APPBP2: variants seen among roughly 807,000 people sequenced by gnomAD.
The protein encoded by APPBP2 is amyloid protein-binding protein 2.
A neutral mutation model predicts 76.0 loss-of-function variants in APPBP2; 15 were observed. That is an observed-to-expected ratio of 0.20 (90% CI 0.13 to 0.30). The LOEUF (loss-of-function observed/expected upper bound fraction) is 0.30, where lower values mean the gene tolerates loss of function less well. Among genes scored for constraint, APPBP2 ranks in the 10% least tolerant of loss-of-function variants. The pLI is 1.00. For missense variants in APPBP2, 401 were observed against 687.2 expected, an observed-to-expected ratio of 0.58 and a Z score of 4.66; for synonymous variants, 222 against 242.2, an observed-to-expected ratio of 0.92 and a Z score of 0.77.
intron 3 of APPBP2, among the ~76,000 whole-genome samples, chr17:60,480,276 G>A (rs1185084601): frequency 6.6e-6 from 1 of 152,126 alleles, no homozygotes; most frequent in Non-Finnish European, 1.5e-5. Flanking sequence ...AGGAGGCTGG[G>A]GTGGGAGAAT....
intron 3 of APPBP2, among the ~76,000 whole-genome samples, chr17:60,484,686 T>C (rs569906947): frequency 6.6e-6 from 1 of 152,302 alleles, no homozygotes; most frequent in Admixed American, 6.5e-5. Context: ...ACAATTTGAC[T>C]TCCTCTCTTC....
At chr17:60,457,667 T>C (rs1298973988) in intron 9 of APPBP2, among the ~76,000 whole-genome samples, 1 of 152,208 alleles carries the variant, frequency 6.6e-6, no homozygotes, top group Non-Finnish European at 1.5e-5. Flanking sequence ...TGGGCTCAAG[T>C]GATCCACCCA....
chr17:60,505,536 C>T (rs1319853291), intron 1 of APPBP2, among the ~76,000 whole-genome samples: 3 of 151,870 alleles, frequency 2.0e-5, no homozygotes, highest in Non-Finnish European at 2.9e-5. Flanking sequence ...AGGATAGTTT[C>T]GATCTCCTGA....
Position 60,445,443 on chromosome 17 carries a change from TTG to T in APPBP2, c.*2136_*2137del, listed in dbSNP as rs1491559028. On this transcript the variant is annotated 3_prime_UTR_variant, in exon 13 of 13. Transcript: ENST00000083182. ...TGTGCACAAAACCAAAAAATACAGATTGAAAAAAAAACTTCATATGGAAACAT... is the reference window on the plus strand; with the variant it reads ...TGTGCACAAAACCAAAAAATACAGATAAAAAAAAACTTCATATGGAAACAT... 2.0e-5 allele frequency: 3 copies of T among 148,272 alleles called. No individual in the cohort carries two copies. The highest frequency in any genetic ancestry group is 8.0e-5 in the African/African-American group (3 of 37,396). The allele number at this position is 148,272 out of a possible 1,614,324, so 9.2% of individuals were successfully genotyped here.
intron 1 of APPBP2, among the ~76,000 whole-genome samples, chr17:60,524,466 C>CT (rs1450211748): frequency 6.6e-6 from 1 of 152,080 alleles, no homozygotes; most frequent in Non-Finnish European, 1.5e-5. Context: ...AAAAAGGGAG[C>CT]TTTTTCTCGA....
chr17:60,524,610 GAAAAAA>G lies in APPBP2; in HGVS notation c.138+1178_138+1183del, dbSNP rs35185909. ...ACGCAGCCCATCAACTGCTAATTCTGAAAAAAAAAAAAAAAAAAAAAAAAAAATCTA... is the reference window on the plus strand; with the variant it reads ...ACGCAGCCCATCAACTGCTAATTCTGAAAAAAAAAAAAAAAAAAAAATCTA... On this transcript the variant is annotated intron_variant, in intron 1 of 12. Transcript: ENST00000083182. Among the ~76,000 whole-genome samples, 18 of 49,944 alleles carry G rather than the reference GAAAAAA, an allele frequency of 3.6e-4. No homozygotes were observed. The South Asian group carries it at 3.7e-3, about 10-fold the overall frequency. The allele number at this position is 49,944 out of a possible 152,430, so 32.8% of individuals were successfully genotyped here. A position where few individuals can be genotyped will look rare whatever the true frequency, so the allele number is the denominator to read the frequency against.
intron 1 of APPBP2, among the ~76,000 whole-genome samples, chr17:60,512,514 A>T (rs2090922521): frequency 6.6e-6 from 1 of 151,882 alleles, no homozygotes; most frequent in Admixed American, 6.6e-5. Flanking sequence ...CTTTTTACTT[A>T]TTTTAACAGT....
intron 3 of APPBP2, among the ~76,000 whole-genome samples, chr17:60,483,735 T>G (rs945942801): frequency 3.9e-5 from 6 of 152,190 alleles, no homozygotes; most frequent in Non-Finnish European, 7.3e-5. Flanking sequence ...TTAGTTTAAT[T>G]AGATCCCATT....
chr17:60,524,301 T>C (rs1384244466), intron 1 of APPBP2, among the ~76,000 whole-genome samples: 1 of 152,162 alleles, frequency 6.6e-6, no homozygotes, highest in African/African-American at 2.4e-5. Flanking sequence ...TTACACATGA[T>C]TTAATAAAAT....
intron 9 of APPBP2, among the ~76,000 whole-genome samples, chr17:60,457,885 T>C (rs1354774831): frequency 6.6e-6 from 1 of 152,214 alleles, no homozygotes; most frequent in African/African-American, 2.4e-5. Flanking sequence ...AGTATGCCAA[T>C]CACCAAAATC....
chr17:60,462,358 T>C (rs533386438), intron 6 of APPBP2: 6 of 269,476 alleles, frequency 2.2e-5, no homozygotes, highest in African/African-American at 1.1e-4. Flanking sequence ...TCCGCTATTA[T>C]TAAAATAAAA....
intron 3 of APPBP2, among the ~76,000 whole-genome samples, chr17:60,490,028 C>G (rs1375118471): frequency 6.8e-6 from 1 of 147,952 alleles, no homozygotes; most frequent in Non-Finnish European, 1.5e-5. Context: ...GAGTGAGACT[C>G]CATCTCAGAA....
At chr17:60,513,727 G>A (rs1234753373) in intron 1 of APPBP2, among the ~76,000 whole-genome samples, 1 of 151,856 alleles carries the variant, frequency 6.6e-6, no homozygotes, top group African/African-American at 2.4e-5. Flanking sequence ...GCCGGGCGTG[G>A]TGGCGGGTGC....
At chr17:60,524,308 A>T (rs932632051) in intron 1 of APPBP2, among the ~76,000 whole-genome samples, 1 of 152,214 alleles carries the variant, frequency 6.6e-6, no homozygotes, top group Non-Finnish European at 1.5e-5. Flanking sequence ...TGATTTAATA[A>T]AATGGACAGA....
intron 4 of APPBP2, among the ~76,000 whole-genome samples, chr17:60,475,276 A>C (rs1019950414): frequency 6.2e-4 from 95 of 152,214 alleles, no homozygotes; most frequent in African/African-American, 2.3e-3. Flanking sequence ...ATAACATGAC[A>C]TGACATAACA....
intron 3 of APPBP2, among the ~76,000 whole-genome samples, chr17:60,491,409 A>ATTTATTTTTATTTT (rs1470766129): frequency 2.0e-5 from 3 of 152,064 alleles, no homozygotes; most frequent in Non-Finnish European, 2.9e-5. Context: ...GCATTGTCTC[A>ATTTATTTTTATTTT]TTTATTTTTA....
At chr17:60,496,088 C>T (rs887994662) in intron 2 of APPBP2, among the ~76,000 whole-genome samples, 1 of 152,124 alleles carries the variant, frequency 6.6e-6, no homozygotes, top group Non-Finnish European at 1.5e-5. Flanking sequence ...TCCAGAGAGA[C>T]AGAAAGTAGA....
intron 9 of APPBP2, chr17:60,459,776 G>C (rs377179384): frequency 2.6e-5 from 4 of 152,356 alleles, no homozygotes; most frequent in African/African-American, 9.7e-5. Flanking sequence ...ACAGGCGTGA[G>C]CCACCACGCC....
intron 1 of APPBP2, among the ~76,000 whole-genome samples, chr17:60,516,175 CA>C (rs1019131368): frequency 4.1e-5 from 6 of 144,798 alleles, no homozygotes; most frequent in East Asian, 4.0e-4. Flanking sequence ...AAAACAAAAA[CA>C]AAAAAAAAAC....
Sources: gnomAD v4.1 joint callset for allele counts (sites outside exome capture counted in the v4.1 genomes callset) on GRCh38, gnomAD v4.1.1 for gene constraint, MANE v1.5 for transcripts, NCBI Gene and HGNC (gene_info 2026-07-23, HGNC 2026-07-21) for gene names.